Variants in CCDC180 observed in about 807,000 individuals in gnomAD.
The protein encoded by CCDC180 is coiled-coil domain-containing protein 180.
CCDC180 carries 154 observed loss-of-function variants against 209.2 expected under a neutral mutation model. The observed-to-expected ratio is 0.74, with a 90% CI of 0.65 to 0.84. CCDC180 has a LOEUF of 0.84. CCDC180 is among the 40% of genes least tolerant of loss of function. The pLI is 0.00. For missense variants in CCDC180, 1,874 were observed against 1,997.3 expected (o/e 0.94, Z 1.18); for synonymous variants, 778 against 749.1 (o/e 1.04, Z -0.63).
chr9:97,371,767 C>T, intron 34 of CCDC180, 61 bp downstream of exon 34: 2 of 1,031,298 alleles, frequency 1.9e-6, no homozygotes, highest in African/African-American at 1.6e-5. Flanking sequence ...CTAGGTTGGG[C>T]AGGGGTCTGC....
chr9:97,371,308 T>A (rs988742659), intron 33 of CCDC180: 1 of 254,234 alleles, frequency 3.9e-6, no homozygotes. Context: ...ATTACAAAAT[T>A]ACTGACGATA....
chr9:97,343,785 C>T, intron 19 of CCDC180: 1 of 531,206 alleles, frequency 1.9e-6, no homozygotes, highest in Non-Finnish European at 3.3e-6. Context: ...CCTGCACCCA[C>T]CTCAGGAGGC....
Position 97,314,694 on chromosome 9 carries a change from C to T in CCDC180, c.665C>T (p.Ala222Val). The T allele has an allele frequency of 6.2e-7, 1 of 1,614,024 alleles. No individual in the cohort carries two copies. Among genetic ancestry groups the T allele is most frequent in the Non-Finnish European group, 8.5e-7 (1 of 1,179,998 alleles). ...CAGGAGATTAAGGAGCTGGATGAGG[C>T]CCTGCACTCGCTGGAGTTCTCCCGA... Reference protein sequence around the residue: ...RKQEIKELDEALHSLEFSRTD... With the variant: ...RKQEIKELDEVLHSLEFSRTD... The change falls in exon 7 of 37, where the codon GCC becomes GTC. Residue 222 changes from alanine (A) to valine (V), a missense_variant. Transcript: ENST00000529487.
intron 20 of CCDC180, among the ~76,000 whole-genome samples, chr9:97,348,871 G>T (rs2118810887): frequency 6.6e-6 from 1 of 152,320 alleles, no homozygotes; most frequent in South Asian, 2.1e-4. Context: ...CTTCCTGGCT[G>T]TGTTCCCTCT....
At chr9:97,309,340 C>T (rs1244647322) in intron 2 of CCDC180, 74 bp from the exon 3 acceptor site, 3 of 1,438,322 alleles carry the variant, frequency 2.1e-6, no homozygotes, top group Non-Finnish European at 2.8e-6. Context: ...TCTAGACAGC[C>T]ACCATCAGCC....
rs1326031213 is a variant in CCDC180 at position 97,312,193 on chromosome 9, A to G, written c.341A>G (p.Asp114Gly). 1 of 1,613,730 alleles carries G rather than the reference A, an allele frequency of 6.2e-7. No individual in the cohort carries two copies. The highest frequency in any genetic ancestry group is 8.5e-7 in the Non-Finnish European group (1 of 1,179,752). ...IAAREVRGLMDTIVPEKISTS... is the reference protein window; with the variant it reads ...IAAREVRGLMGTIVPEKISTS... ...GCCCGAGAAGTGCGGGGTCTCATGGATACTATAGGTGAGCCTCCATTCAGC... is the reference window on the plus strand; with the variant it reads ...GCCCGAGAAGTGCGGGGTCTCATGGGTACTATAGGTGAGCCTCCATTCAGC... The change falls in exon 4 of 37, where the codon GAT becomes GGT. Residue 114 changes from aspartate to glycine, a missense_variant. Coordinates refer to ENST00000529487, the MANE Select transcript of CCDC180 (RefSeq NM_020893.6).
chr9:97,328,245 A>G, intron 16 of CCDC180, 99 bp downstream of exon 16: 7 of 1,346,132 alleles, frequency 5.2e-6, no homozygotes, highest in Admixed American at 4.5e-5. Context: ...AGCCATTCCT[A>G]ATGCTGCAGA....
chr9:97,361,866 C>A lies in CCDC180; in HGVS notation c.3624C>A (p.Asp1208Glu), dbSNP rs1320866253. The A allele has an allele frequency of 6.2e-7, 1 of 1,614,126 alleles. No homozygotes were observed. The highest frequency in any genetic ancestry group is 8.5e-7 in the Non-Finnish European group (1 of 1,180,010). Residue 1208 changes from aspartate to glutamate, a missense_variant, in exon 27 of 37, where the codon GAC becomes GAA. Coordinates refer to ENST00000529487, the MANE Select transcript of CCDC180 (RefSeq NM_020893.6). ...GCGTGGGGAAGCCCCTGATTGAGGA[C>A]CCAGCTGTGGATGTGATCAGGAAGC... ...LSRVGKPLIE[D>E]PAVDVIRKLL... is the part of the protein sequence containing the mutation.
At chr9:97,323,693 T>C in intron 12 of CCDC180, 88 bp from the exon 13 acceptor site, 3 of 1,426,188 alleles carry the variant, frequency 2.1e-6, no homozygotes, top group Non-Finnish European at 2.8e-6. Flanking sequence ...AGGTCTGACT[T>C]GTGCAACGCT....
rs770515861 is a variant in CCDC180 at position 97,375,517 on chromosome 9, A to G, written c.4770A>G (p.Thr1590=). 60 of 1,614,106 alleles carry G rather than the reference A, an allele frequency of 3.7e-5. No homozygotes were observed. Among genetic ancestry groups the G allele is most frequent in the Admixed American group, 6.7e-5 (4 of 60,010 alleles). Residue 1590 remains threonine (T), a synonymous_variant, in exon 36 of 37, where the codon ACA becomes ACG. Coordinates refer to ENST00000529487, the MANE Select transcript of CCDC180 (RefSeq NM_020893.6). ...TIQNKILLQP[T]SSISTTKTTL... is the part of the protein sequence containing the mutation. The stretch of plus-strand genomic sequence containing the variant: ...AAAACAAGATTCTTCTCCAGCCAAC[A>G]TCATCGATTTCCACCACCAAAACCA...
chr9:97,309,846 C>A (rs536010123), intron 3 of CCDC180, among the ~76,000 whole-genome samples: 1 of 152,330 alleles, frequency 6.6e-6, no homozygotes, highest in East Asian at 1.9e-4. Flanking sequence ...GGATCCCACC[C>A]TTATGAAACT....
chr9:97,360,690 C>T (rs1019041524), intron 26 of CCDC180, among the ~76,000 whole-genome samples: 8 of 152,174 alleles, frequency 5.3e-5, no homozygotes, highest in Admixed American at 3.3e-4. Context: ...TCACTCCCCA[C>T]CAAGCCTCCT....
chr9:97,360,936 C>T (rs926444743), intron 26 of CCDC180, among the ~76,000 whole-genome samples: 1 of 152,214 alleles, frequency 6.6e-6, no homozygotes, highest in African/African-American at 2.4e-5. Flanking sequence ...GCCCTGCTCT[C>T]ACCACCAAGC....
rs147086254 is a variant in CCDC180, at chr9:97,375,902, C to G, written c.4842+313C>G. 863 of 340,540 alleles carry G rather than the reference C, an allele frequency of 2.5e-3. 6 individuals carry two copies. Among genetic ancestry groups the G allele is most frequent in the African/African-American group, 0.017 (808 of 48,720 alleles). 21.1% of individuals were successfully genotyped at this position (340,540 alleles called of 1,614,324 possible). A position where few individuals can be genotyped will look rare whatever the true frequency, so the allele number is the denominator to read the frequency against. On this transcript the variant is annotated intron_variant, in intron 36 of 36. Coordinates refer to ENST00000529487, the MANE Select transcript of CCDC180 (RefSeq NM_020893.6). ...AGCTAGGGAACATTGTCACCAGGCA[C>G]GGAAGCAATGGTAGCCGTAGGCTCA...
chr9:97,347,634 GA>G, intron 20 of CCDC180, 145 bp downstream of exon 20: 1 of 760,312 alleles, frequency 1.3e-6, no homozygotes. Flanking sequence ...AGATGTACAT[GA>G]GGGTTCGCAC....
In CCDC180 at chr9:97,366,139, C is replaced by T. The variant is rs563477415; in HGVS notation, c.4047+400C>T. Among the ~76,000 whole-genome samples the T allele has an allele frequency of 3.3e-5, 5 of 152,310 alleles. No individual in the cohort carries two copies. The East Asian group carries it at 5.8e-4, about 18-fold the overall frequency. On this transcript the variant is annotated intron_variant, in intron 30 of 36. Coordinates refer to ENST00000529487, the MANE Select transcript of CCDC180 (RefSeq NM_020893.6). The surrounding 1 kb of genome is among the most constrained non-coding windows in gnomAD (Gnocchi z 4.3). ...TTCCCACATGCCCTGCACCGTAGTG[C>T]GAGTGCCTTCTCCTGTCTGCCTCCC...
chr9:97,357,734 T>A lies in CCDC180; in HGVS notation c.3363+9T>A, dbSNP rs777105446. ...CCAGGGGAGAGAAAACCGTAAGTGT[T>A]CAATAGATTCTGCATGTGAATAATA... On this transcript the variant is annotated intron_variant, in intron 25 of 36. Coordinates refer to ENST00000529487, the MANE Select transcript of CCDC180 (RefSeq NM_020893.6). 2 of 1,556,864 alleles carry A rather than the reference T, an allele frequency of 1.3e-6. No individual in the cohort carries two copies. The highest frequency in any genetic ancestry group is 8.8e-7 in the Non-Finnish European group (1 of 1,135,432).
At chr9:97,337,784 A>G (rs867409588) in intron 18 of CCDC180, among the ~76,000 whole-genome samples, 1 of 152,118 alleles carries the variant, frequency 6.6e-6, no homozygotes, top group Non-Finnish European at 1.5e-5. Context: ...CTGTGAATCC[A>G]TCTGGTCCTG....
intron 21 of CCDC180, among the ~76,000 whole-genome samples, 198 bp downstream of exon 21, chr9:97,349,489 CCAGAGAGCAAA>C (rs1826364285): frequency 6.6e-6 from 1 of 152,152 alleles, no homozygotes; most frequent in African/African-American, 2.4e-5. Context: ...GAGTGAGCAG[CCAGAGAGCAAA>C]GTATATGCAC....
Sources: allele counts gnomAD v4.1 joint callset (sites outside exome capture counted in the v4.1 genomes callset), GRCh38; gene constraint gnomAD v4.1.1; non-coding constraint Gnocchi (gnomAD v3.1); transcripts MANE v1.5; gene names NCBI Gene and HGNC (gene_info 2026-07-23, HGNC 2026-07-21).